Variants in STAG1 observed in about 807,000 individuals in gnomAD.
The protein encoded by STAG1 is STAG1 cohesin complex component, also known as cohesin subunit SA-1.
Under a neutral mutation model 170.9 loss-of-function variants are expected in STAG1, and 26 were observed. The observed-to-expected ratio is 0.15, with a 90% CI of 0.11 to 0.21. The LOEUF (loss-of-function observed/expected upper bound fraction) is 0.21, where lower values mean the gene tolerates loss of function less well. Among genes scored for constraint, STAG1 ranks in the 10% least tolerant of loss-of-function variants. The pLI is 1.00. For synonymous variants in STAG1, 514 were observed against 497.7 expected, an observed-to-expected ratio of 1.03 and a Z score of -0.44; for missense variants, 964 against 1,509.5, an observed-to-expected ratio of 0.64 and a Z score of 5.99.
chr3:136,641,631 A>G (rs1220851216), intron 1 of STAG1, among the ~76,000 whole-genome samples: 1 of 152,248 alleles, frequency 6.6e-6, no homozygotes, highest in African/African-American at 2.4e-5. Context: ...TGTCAAGGTC[A>G]TGAAACAGTA....
intron 2 of STAG1, among the ~76,000 whole-genome samples, chr3:136,626,557 T>C (rs1940105061): frequency 6.6e-6 from 1 of 152,222 alleles, no homozygotes; most frequent in South Asian, 2.1e-4. Flanking sequence ...ATATGCAAAT[T>C]AATGGGTGTG....
intron 20 of STAG1, among the ~76,000 whole-genome samples, chr3:136,418,961 A>G (rs2087864329): frequency 2.0e-5 from 3 of 152,190 alleles, no homozygotes; most frequent in Admixed American, 2.0e-4. Context: ...TACATTTTAA[A>G]GAACTCCATT....
At position 136,623,262 on chromosome 3, in the gene STAG1, T is replaced by C. The variant is rs780697501; in HGVS notation, c.30-14A>G. On this transcript the variant is annotated splice_polypyrimidine_tract_variant and intron_variant, in intron 2 of 33. Transcript: ENST00000383202. ...TTAGTTGAATCCCTAGAAAATGTTA[T>C]ATTATTTTAGCGAACAAATTAATAA... 17 of 1,608,328 alleles carry C rather than the reference T, an allele frequency of 1.1e-5. No homozygotes were observed. Among genetic ancestry groups the C allele is most frequent in the South Asian group, 2.2e-5 (2 of 90,592 alleles).
At chr3:136,588,099 A>G (rs1010285215) in intron 4 of STAG1, among the ~76,000 whole-genome samples, 1 of 152,234 alleles carries the variant, frequency 6.6e-6, no homozygotes, top group Non-Finnish European at 1.5e-5. Context: ...CCTCATAAAA[A>G]CATTCTTAAC....
chr3:136,713,433 A>G (rs113138362), intron 1 of STAG1, among the ~76,000 whole-genome samples: 15 of 151,994 alleles, frequency 9.9e-5, no homozygotes, highest in African/African-American at 2.9e-4. Flanking sequence ...AAATGCAACA[A>G]TTAGCCGGGC....
chr3:136,635,478 A>G (rs1193322890), intron 1 of STAG1, among the ~76,000 whole-genome samples: 4 of 152,218 alleles, frequency 2.6e-5, no homozygotes, highest in African/African-American at 7.2e-5. Flanking sequence ...TCAACTCGAT[A>G]AAGAGTATCT....
intron 15 of STAG1, among the ~76,000 whole-genome samples, chr3:136,439,389 G>GACACACACACACACACAC (rs753912835): frequency 2.4e-4 from 23 of 95,866 alleles, no homozygotes; most frequent in Admixed American, 8.6e-4. Context: ...AACACCCCCC[G>GACACACACACACACACAC]ACACACACAC....
At chr3:136,637,630 G>A (rs536992056) in intron 1 of STAG1, among the ~76,000 whole-genome samples, 81 of 152,128 alleles carry the variant, frequency 5.3e-4, no homozygotes, top group Admixed American at 1.8e-3. Flanking sequence ...CTCATACCAC[G>A]TATTCTACTT....
intron 1 of STAG1, among the ~76,000 whole-genome samples, chr3:136,716,954 C>T (rs1204076909): frequency 6.6e-6 from 1 of 152,196 alleles, no homozygotes; most frequent in Non-Finnish European, 1.5e-5. Context: ...TTCACAGTTA[C>T]GAATTGTGGT....
chr3:136,346,484 TTTTC>T (rs1177511208), intron 29 of STAG1, among the ~76,000 whole-genome samples: 2 of 152,160 alleles, frequency 1.3e-5, no homozygotes, highest in African/African-American at 2.4e-5. Flanking sequence ...GACAAAAAAG[TTTTC>T]TTTTTTTAAT....
At chr3:136,714,420 T>C (rs1943465931) in intron 1 of STAG1, among the ~76,000 whole-genome samples, 1 of 151,918 alleles carries the variant, frequency 6.6e-6, no homozygotes, top group African/African-American at 2.4e-5. Context: ...TACCGAGAAC[T>C]CATCTCTAGG....
At chr3:136,419,621 GTGTT>G (rs1404643768) in intron 20 of STAG1, among the ~76,000 whole-genome samples, 2 of 106,836 alleles carry the variant, frequency 1.9e-5, no homozygotes, top group Non-Finnish European at 4.2e-5. Flanking sequence ...ATTTTTGTGT[GTGTT>G]TTTTTTTTTT....
At chr3:136,391,495 G>C (rs1185060832) in intron 22 of STAG1, among the ~76,000 whole-genome samples, 1 of 151,230 alleles carries the variant, frequency 6.6e-6, no homozygotes. Context: ...TCCTGCCTCA[G>C]CCTCCCAAGT....
At chr3:136,349,007 T>C (rs1308756516) in intron 29 of STAG1, 151 bp downstream of exon 29, 1 of 646,674 alleles carries the variant, frequency 1.5e-6, no homozygotes, top group Non-Finnish European at 2.7e-6. Context: ...ACTTCATCTG[T>C]TTCAACCTTT....
chr3:136,476,244 C>A (rs973998910), intron 10 of STAG1, among the ~76,000 whole-genome samples: 3 of 152,150 alleles, frequency 2.0e-5, no homozygotes, highest in Non-Finnish European at 4.4e-5. Context: ...CACAGACCTT[C>A]CTCCTGGTCA....
chr3:136,359,538 C>A (rs112803818), intron 26 of STAG1, among the ~76,000 whole-genome samples: 1 of 152,076 alleles, frequency 6.6e-6, no homozygotes, highest in African/African-American at 2.4e-5. Flanking sequence ...AATAAAAAAA[C>A]ACATTCTTTT....
intron 22 of STAG1, among the ~76,000 whole-genome samples, chr3:136,386,692 G>C (rs765495085): frequency 5.3e-5 from 8 of 152,068 alleles, no homozygotes; most frequent in African/African-American, 9.6e-5. Flanking sequence ...ACTACACCTA[G>C]CTAATTTTTT....
intron 22 of STAG1, among the ~76,000 whole-genome samples, chr3:136,392,397 T>C (rs907174860): frequency 1.3e-5 from 2 of 152,042 alleles, no homozygotes; most frequent in African/African-American, 2.4e-5. Flanking sequence ...AATATGTTAA[T>C]TGAAGAGAAG....
chr3:136,495,686 G>C (rs1933042747), intron 9 of STAG1, among the ~76,000 whole-genome samples: 1 of 151,402 alleles, frequency 6.6e-6, no homozygotes, highest in Non-Finnish European at 1.5e-5. Context: ...TACAAAATTA[G>C]GGCCGGGCAC....
Sources: allele counts gnomAD v4.1 joint callset (sites outside exome capture counted in the v4.1 genomes callset), GRCh38; gene constraint gnomAD v4.1.1; transcripts MANE v1.5; gene names NCBI Gene and HGNC (gene_info 2026-07-23, HGNC 2026-07-21).